NRXN3: variants seen among roughly 807,000 people sequenced by gnomAD.
The protein encoded by NRXN3 is neurexin III.
In NRXN3, 32 loss-of-function variants were observed where a neutral mutation model predicts 137.6. The ratio of observed to expected loss-of-function variants is 0.23; its 90% CI spans 0.18 to 0.31. The LOEUF is 0.31. NRXN3 is among the 10% of genes least tolerant of loss of function. The probability of loss-of-function intolerance (pLI) is 1.00; values close to 1 mark genes in which losing one functional copy is unlikely to be tolerated. For synonymous variants in NRXN3, 798 were observed against 784.5 expected, an observed-to-expected ratio of 1.02 and a Z score of -0.29; for missense variants, 1,574 against 2,062.5, an observed-to-expected ratio of 0.76 and a Z score of 4.59.
intron 8 of NRXN3, among the ~76,000 whole-genome samples, chr14:78,722,967 T>A (rs1332824107): frequency 1.3e-5 from 2 of 151,936 alleles, no homozygotes; most frequent in African/African-American, 2.4e-5. Context: ...AAGGAACAGA[T>A]GTATAAAGGT....
intron 20 of NRXN3, chr14:79,823,933 A>G (rs1173426207): frequency 2.2e-6 from 1 of 448,246 alleles, no homozygotes; most frequent in Non-Finnish European, 4.5e-6. Flanking sequence ...CCAGGTGGTA[A>G]TGCAGCAGCA....
At chr14:79,159,945 T>C (rs1222322101) in intron 15 of NRXN3, among the ~76,000 whole-genome samples, 1 of 151,902 alleles carries the variant, frequency 6.6e-6, no homozygotes, top group Non-Finnish European at 1.5e-5. Context: ...CATCTACATA[T>C]ATGGCCAGTG....
intron 15 of NRXN3, among the ~76,000 whole-genome samples, chr14:79,425,848 T>C (rs1332499556): frequency 6.6e-6 from 1 of 152,192 alleles, no homozygotes; most frequent in African/African-American, 2.4e-5. Flanking sequence ...CACTAGACCC[T>C]AGGCCTCTAT....
intron 4 of NRXN3, among the ~76,000 whole-genome samples, chr14:78,630,770 A>G (rs1382304756): frequency 1.3e-5 from 2 of 151,966 alleles, no homozygotes; most frequent in Non-Finnish European, 2.9e-5. Context: ...ACACCCAGCT[A>G]CTTTTTCTGT....
chr14:79,107,648 AT>A (rs2052688344), intron 15 of NRXN3, among the ~76,000 whole-genome samples: 1 of 152,050 alleles, frequency 6.6e-6, no homozygotes, highest in Non-Finnish European at 1.5e-5. Flanking sequence ...TATTGGATGT[AT>A]TTTTTGGGTA....
chr14:79,157,188 A>C (rs144376396), intron 15 of NRXN3, among the ~76,000 whole-genome samples: 38 of 151,766 alleles, frequency 2.5e-4, no homozygotes, highest in African/African-American at 8.4e-4. Context: ...TCTTAATAAA[A>C]CCTCTTTTAA....
intron 10 of NRXN3, among the ~76,000 whole-genome samples, chr14:78,924,575 G>A (rs549756060): frequency 1.3e-5 from 2 of 152,172 alleles, no homozygotes; most frequent in Admixed American, 6.5e-5. Flanking sequence ...CTGAACATGG[G>A]CTGTGCTCAA....
intron 17 of NRXN3, among the ~76,000 whole-genome samples, chr14:79,691,922 C>T (rs777459331): frequency 1.4e-4 from 22 of 152,078 alleles, no homozygotes; most frequent in African/African-American, 2.2e-4. Flanking sequence ...TTTCCGTAAA[C>T]GGCCAGACCT....
At chr14:78,236,140 T>C (rs1484226304) in intron 1 of NRXN3, among the ~76,000 whole-genome samples, 4 of 152,202 alleles carry the variant, frequency 2.6e-5, no homozygotes, top group African/African-American at 7.2e-5. Context: ...ATAGCATACA[T>C]AGAGAAAAGC....
At chr14:78,778,979 C>G (rs190312231) in intron 8 of NRXN3, among the ~76,000 whole-genome samples, 1 of 151,990 alleles carries the variant, frequency 6.6e-6, no homozygotes, top group Admixed American at 6.6e-5. Context: ...TATGGATGCT[C>G]TGTCGTGGTG....
chr14:79,157,123 T>G (rs1477682913), intron 15 of NRXN3, among the ~76,000 whole-genome samples: 2 of 151,850 alleles, frequency 1.3e-5, no homozygotes, highest in African/African-American at 2.4e-5. Context: ...TGCTTTGTCC[T>G]TTAGTAAAGG....
rs377039939 is a variant in NRXN3, at chr14:78,845,368, A to T, written c.2275+35024A>T. Among the ~76,000 whole-genome samples the T allele has an allele frequency of 8.5e-5, 13 of 152,224 alleles. No homozygotes were observed. In the South Asian group the frequency reaches 2.7e-3, roughly 32 times the overall value. ...GCCAACACTCATAGATATGAATAAC[A>T]ACGTAATTTAAGGCATGTTGCAAAA... On this transcript the variant is annotated intron_variant, in intron 10 of 20. Transcript: ENST00000335750.
intron 4 of NRXN3, among the ~76,000 whole-genome samples, chr14:78,618,140 C>T (rs903316157): frequency 6.6e-6 from 1 of 151,968 alleles, no homozygotes; most frequent in African/African-American, 2.4e-5. Context: ...CTTAACTAGT[C>T]CCTTGTTCAG....
At chr14:78,854,307 T>A (rs2099050789) in intron 10 of NRXN3, among the ~76,000 whole-genome samples, 1 of 152,202 alleles carries the variant, frequency 6.6e-6, no homozygotes, top group Non-Finnish European at 1.5e-5. Flanking sequence ...GGGCCTTACC[T>A]TGGCGGGCTA....
chr14:79,808,026 C>A (rs2099215383), intron 20 of NRXN3, among the ~76,000 whole-genome samples: 1 of 151,894 alleles, frequency 6.6e-6, no homozygotes, highest in South Asian at 2.1e-4. Flanking sequence ...AATATCTCCT[C>A]AGAAGTTCAA....
At chr14:78,476,261 G>A (rs2095376540) in intron 4 of NRXN3, among the ~76,000 whole-genome samples, 1 of 152,212 alleles carries the variant, frequency 6.6e-6, no homozygotes, top group African/African-American at 2.4e-5. Context: ...AAACATATGA[G>A]ATAGTGATTT....
intron 16 of NRXN3, among the ~76,000 whole-genome samples, chr14:79,538,118 T>C (rs1056310390): frequency 5.9e-5 from 9 of 152,308 alleles, no homozygotes; most frequent in East Asian, 1.9e-4. Context: ...TCATATCCTT[T>C]GCCCACTTTT....
intron 15 of NRXN3, among the ~76,000 whole-genome samples, chr14:79,290,178 T>C (rs779734554): frequency 1.3e-5 from 2 of 152,204 alleles, no homozygotes; most frequent in Non-Finnish European, 2.9e-5. Flanking sequence ...AAAAAACTAA[T>C]GGAAATGATC....
chr14:79,370,976 T>C (rs1599310940), intron 15 of NRXN3, among the ~76,000 whole-genome samples: 1 of 152,198 alleles, frequency 6.6e-6, no homozygotes, highest in East Asian at 1.9e-4. Flanking sequence ...AAAACCTAAA[T>C]ATCATCCTCA....
Sources: allele counts gnomAD v4.1 joint callset (sites outside exome capture counted in the v4.1 genomes callset), GRCh38; gene constraint gnomAD v4.1.1; transcripts MANE v1.5; gene names NCBI Gene and HGNC (gene_info 2026-07-23, HGNC 2026-07-21).